ULK4: variants seen among roughly 807,000 people sequenced by gnomAD.
The protein encoded by ULK4 is unc-51 like kinase 4, also known as inactive serine/threonine-protein kinase ULK4.
Under a neutral mutation model 160.6 loss-of-function variants are expected in ULK4, and 133 were observed. The ratio of observed to expected loss-of-function variants is 0.83; its 90% CI spans 0.72 to 0.96. The LOEUF is 0.96. Among genes scored for constraint, ULK4 ranks in the 40% least tolerant of loss-of-function variants. The pLI, the probability that ULK4 is intolerant of heterozygous loss-of-function variation, is 0.00. For missense variants in ULK4, 1,580 were observed against 1,499.5 expected, an observed-to-expected ratio of 1.05 and a Z score of -0.89; for synonymous variants, 534 against 539.8, an observed-to-expected ratio of 0.99 and a Z score of 0.15.
At chr3:41,834,137 T>C (rs1306189720) in intron 18 of ULK4, among the ~76,000 whole-genome samples, 1 of 151,772 alleles carries the variant, frequency 6.6e-6, no homozygotes, top group Non-Finnish European at 1.5e-5. Context: ...CTTCTCCCCA[T>C]ATACCTTTCT....
At chr3:41,405,184 G>A (rs1476793929) in intron 34 of ULK4, among the ~76,000 whole-genome samples, 1 of 151,906 alleles carries the variant, frequency 6.6e-6, no homozygotes, top group African/African-American at 2.4e-5. Context: ...TTATGTCCAC[G>A]AATACCCAGT....
chr3:41,813,375 C>T (rs144858202), intron 19 of ULK4, among the ~76,000 whole-genome samples: 1 of 152,052 alleles, frequency 6.6e-6, no homozygotes. Context: ...TTTCTTAATT[C>T]CAAAATTATT....
At chr3:41,956,169 A>G (rs570815956) in intron 1 of ULK4, among the ~76,000 whole-genome samples, 35 of 152,200 alleles carry the variant, frequency 2.3e-4, no homozygotes, top group Non-Finnish European at 4.1e-4. Context: ...GCAACTTTGT[A>G]ACTTCACCTT....
rs146813013 is a variant in ULK4 at position 41,772,527 on chromosome 3, T to C, written c.2193+17134A>G. ...CTCCCAAGACTAAACCAGGAAGAAGTTGAATCTCTGAATAGACCAATAACA... is the reference window on the plus strand; with the variant it reads ...CTCCCAAGACTAAACCAGGAAGAAGCTGAATCTCTGAATAGACCAATAACA... On this transcript the variant is annotated intron_variant, in intron 21 of 36. Coordinates refer to ENST00000301831, the MANE Select transcript of ULK4 (RefSeq NM_017886.4). Among the ~76,000 whole-genome samples the C allele has an allele frequency of 6.8e-3, 1,031 of 152,188 alleles. 40 individuals are homozygous for C. The East Asian group carries it at 0.13, about 18-fold the overall frequency.
intron 35 of ULK4, among the ~76,000 whole-genome samples, chr3:41,387,384 T>A (rs1247335845): frequency 1.3e-5 from 2 of 152,104 alleles, no homozygotes; most frequent in African/African-American, 4.8e-5. Context: ...CTTTTTTATA[T>A]CATTATACTT....
intron 1 of ULK4, among the ~76,000 whole-genome samples, chr3:41,956,077 T>C (rs1700473745): frequency 6.6e-6 from 1 of 152,222 alleles, no homozygotes; most frequent in South Asian, 2.1e-4. Flanking sequence ...GACCAGAGGC[T>C]ATTCCCTTTG....
intron 22 of ULK4, among the ~76,000 whole-genome samples, chr3:41,734,323 G>T (rs942674206): frequency 1.2e-4 from 19 of 152,174 alleles, no homozygotes; most frequent in African/African-American, 4.3e-4. Context: ...GTTACTGAAT[G>T]TATTTGACTA....
intron 32 of ULK4, among the ~76,000 whole-genome samples, chr3:41,550,711 T>C (rs1691974): frequency 0.51 from 77,544 of 151,758 alleles, 19,916 homozygotes; most frequent in Middle Eastern, 0.57. Context: ...ATAACACTCT[T>C]ATTAGACAGA....
chr3:41,344,806 A>G (rs1003724863), intron 35 of ULK4, among the ~76,000 whole-genome samples: 1 of 151,382 alleles, frequency 6.6e-6, no homozygotes, highest in Non-Finnish European at 1.5e-5. Context: ...CTAATTAAAG[A>G]GCTTCTGCAC....
intron 31 of ULK4, among the ~76,000 whole-genome samples, chr3:41,607,504 G>A (rs1169330282): frequency 6.6e-6 from 1 of 152,096 alleles, no homozygotes; most frequent in African/African-American, 2.4e-5. Flanking sequence ...GGCAAAGCAG[G>A]TGTTACTGTA....
intron 30 of ULK4, among the ~76,000 whole-genome samples, chr3:41,645,558 A>T (rs2034446786): frequency 6.6e-6 from 1 of 152,118 alleles, no homozygotes; most frequent in Non-Finnish European, 1.5e-5. Flanking sequence ...TCTGAGAGAC[A>T]GTTTGTTATA....
chr3:41,770,703 G>C (rs973440398), intron 21 of ULK4, among the ~76,000 whole-genome samples: 1 of 151,990 alleles, frequency 6.6e-6, no homozygotes, highest in Admixed American at 6.6e-5. Context: ...AGTAGAGACA[G>C]GGTCTCGCCA....
intron 17 of ULK4, among the ~76,000 whole-genome samples, chr3:41,843,809 A>C (rs914060116): frequency 6.6e-6 from 1 of 152,222 alleles, no homozygotes; most frequent in East Asian, 1.9e-4. Flanking sequence ...GGCCCCACCC[A>C]CATCCTGCTG....
In ULK4 at chr3:41,554,156, C is replaced by A. The variant is rs139736355; in HGVS notation, c.3226+11869G>T. ...CAGTTCCACGGAAGTACCGTTTGAT[C>A]CAGCAATCCCACTACTGGGTATTTA... is the stretch of plus-strand genomic sequence containing the variant. On this transcript the variant is annotated intron_variant, in intron 32 of 36. Coordinates refer to ENST00000301831, the MANE Select transcript of ULK4 (RefSeq NM_017886.4). 7.8e-3 allele frequency among the ~76,000 whole-genome samples: 1,180 copies of A among 152,232 alleles called. 11 individuals are homozygous for A. Among genetic ancestry groups the A allele is most frequent in the Middle Eastern group, 0.034 (10 of 294 alleles).
chr3:41,692,443 A>G (rs992431242), intron 27 of ULK4, among the ~76,000 whole-genome samples: 2 of 151,468 alleles, frequency 1.3e-5, no homozygotes, highest in African/African-American at 4.9e-5. Flanking sequence ...GGAGTTGGAT[A>G]ATTTGCTCAC....
At chr3:41,481,127 G>C (rs1359544794) in intron 32 of ULK4, among the ~76,000 whole-genome samples, 2 of 152,152 alleles carry the variant, frequency 1.3e-5, no homozygotes, top group Non-Finnish European at 2.9e-5. Context: ...TTAGTAGTTA[G>C]GTTTTTGGGT....
chr3:41,759,147 AC>A (rs2038904349), intron 21 of ULK4, among the ~76,000 whole-genome samples: 1 of 152,136 alleles, frequency 6.6e-6, no homozygotes, highest in Non-Finnish European at 1.5e-5. Context: ...CATTCTCTTC[AC>A]CCATGATTCA....
At chr3:41,851,699 G>A (rs147217570) in intron 17 of ULK4, among the ~76,000 whole-genome samples, 46 of 152,068 alleles carry the variant, frequency 3.0e-4, no homozygotes, top group Admixed American at 9.8e-4. Flanking sequence ...TGAAACCAAC[G>A]AGAACAAAGA....
intron 30 of ULK4, among the ~76,000 whole-genome samples, chr3:41,657,835 A>AAAAAAAAC: frequency 7.0e-6 from 1 of 142,514 alleles, no homozygotes; most frequent in Admixed American, 7.0e-5. Context: ...AAAAAAAAAA[A>AAAAAAAAC]CACACACCAC....
Sources: allele counts gnomAD v4.1 joint callset (sites outside exome capture counted in the v4.1 genomes callset), GRCh38; gene constraint gnomAD v4.1.1; transcripts MANE v1.5; gene names NCBI Gene and HGNC (gene_info 2026-07-23, HGNC 2026-07-21).